The following CYP2C19 variants were observed in gnomAD, a reference collection of about 807,000 sequenced individuals.
CYP2C19 encodes cytochrome P450 2C19.
CYP2C19 carries 59 observed loss-of-function variants against 40.9 expected under a neutral mutation model. The observed-to-expected ratio is 1.44, with a 90% confidence interval of 1.17 to 1.79. CYP2C19 has a LOEUF of 1.79. CYP2C19 is among the 40% of genes most tolerant of loss of function. The probability of loss-of-function intolerance (pLI) is 0.00; values close to 1 mark genes in which losing one functional copy is unlikely to be tolerated. For missense variants in CYP2C19, 754 were observed against 596.9 expected, an observed-to-expected ratio of 1.26 and a Z score of -2.74; for synonymous variants, 253 against 208.7, an observed-to-expected ratio of 1.21 and a Z score of -1.83.
At chr10:94,823,598 A>G (rs1298249681) in intron 6 of CYP2C19, among the ~76,000 whole-genome samples, 1 of 152,196 alleles carries the variant, frequency 6.6e-6, no homozygotes, top group Non-Finnish European at 1.5e-5. Flanking sequence ...ACACAGGGTC[A>G]TGGAATTTCA....
chr10:94,803,635 G>T (rs942069391), intron 5 of CYP2C19, among the ~76,000 whole-genome samples: 6 of 152,214 alleles, frequency 3.9e-5, no homozygotes, highest in Non-Finnish European at 8.8e-5. Context: ...CCAGTGGGCA[G>T]ACTTGAAGCC....
intron 1 of CYP2C19, among the ~76,000 whole-genome samples, chr10:94,764,128 C>T (rs138737109): frequency 0.17 from 26,285 of 151,968 alleles, 2,530 homozygotes; most frequent in South Asian, 0.33. Context: ...AAAGAGTGAG[C>T]AGCAGCAAGA....
chr10:94,778,083 A>G (rs1848434207), intron 3 of CYP2C19, among the ~76,000 whole-genome samples: 1 of 152,208 alleles, frequency 6.6e-6, no homozygotes, highest in Admixed American at 6.5e-5. Context: ...TCAAGTGGCC[A>G]GAGTGTAGCC....
rs1398800070 is a variant in CYP2C19 at position 94,853,756 on chromosome 10, C to G, written c.*842C>G. ...ACAGACAGGGTTTCACCATGTTAGCCAGGATGATCTCAATCTGCTGACCTC... is the reference window on the plus strand; with the variant it reads ...ACAGACAGGGTTTCACCATGTTAGCGAGGATGATCTCAATCTGCTGACCTC... On this transcript the variant is annotated 3_prime_UTR_variant, in exon 9 of 9. Transcript: ENST00000371321. 6.6e-5 allele frequency among the ~76,000 whole-genome samples: 10 copies of G among 152,094 alleles called. No individual in the cohort carries two copies. In the South Asian group the frequency reaches 1.7e-3, roughly 25 times the overall value.
rs540745869 is a variant in CYP2C19, at chr10:94,774,127, C to T, written c.169-931C>T. 3.3e-5 allele frequency: 5 copies of T among 152,330 alleles called. No homozygotes were observed. In the South Asian group the frequency reaches 8.3e-4, roughly 25 times the overall value. 9.4% of individuals were successfully genotyped at this position (152,330 alleles called of 1,614,324 possible). On this transcript the variant is annotated intron_variant, in intron 1 of 8. Transcript: ENST00000371321. Reference sequence around the variant, plus strand: ...AAAAGTTCTCCAAGTCCCCACCCGACACAGAAGCCCAGATGGCTTCACCTC... The same window carrying T: ...AAAAGTTCTCCAAGTCCCCACCCGATACAGAAGCCCAGATGGCTTCACCTC...
At chr10:94,845,871 A>T (rs1849566192) in intron 7 of CYP2C19, among the ~76,000 whole-genome samples, 1 of 152,112 alleles carries the variant, frequency 6.6e-6, no homozygotes, top group Admixed American at 6.6e-5. Flanking sequence ...ATTTTTAAGA[A>T]TAAATAACAT....
chr10:94,784,509 G>A (rs1474887978), intron 5 of CYP2C19, among the ~76,000 whole-genome samples: 2 of 151,994 alleles, frequency 1.3e-5, no homozygotes, highest in East Asian at 3.9e-4. Context: ...ATTCCTTCCA[G>A]CAATGTAGAA....
At chr10:94,765,227 G>A (rs1848223893) in intron 1 of CYP2C19, among the ~76,000 whole-genome samples, 1 of 152,076 alleles carries the variant, frequency 6.6e-6, no homozygotes. Flanking sequence ...CTATAAGTAG[G>A]GATATTAGTT....
chr10:94,793,952 C>T (rs1396371193), intron 5 of CYP2C19, among the ~76,000 whole-genome samples: 1 of 152,074 alleles, frequency 6.6e-6, no homozygotes, highest in Non-Finnish European at 1.5e-5. Context: ...TGCCCTGCCC[C>T]CAAAGGTGTA....
chr10:94,786,142 A>G (rs1197352243), intron 5 of CYP2C19, among the ~76,000 whole-genome samples: 1 of 151,924 alleles, frequency 6.6e-6, no homozygotes, highest in African/African-American at 2.4e-5. Context: ...ACCCACTCAG[A>G]TGTGTCCATG....
intron 6 of CYP2C19, among the ~76,000 whole-genome samples, chr10:94,823,373 G>T (rs1393996998): frequency 1.3e-5 from 2 of 152,154 alleles, no homozygotes; most frequent in Admixed American, 6.6e-5. Context: ...AAGACATGAG[G>T]TGTAGGCTAG....
At chr10:94,829,787 T>C (rs1341475929) in intron 6 of CYP2C19, among the ~76,000 whole-genome samples, 1 of 151,722 alleles carries the variant, frequency 6.6e-6, no homozygotes, top group Non-Finnish European at 1.5e-5. Context: ...TTTGTGGTTT[T>C]ATCTACTTTT....
chr10:94,794,538 G>A (rs1488115052), intron 5 of CYP2C19, among the ~76,000 whole-genome samples: 1 of 152,124 alleles, frequency 6.6e-6, no homozygotes, highest in Admixed American at 6.6e-5. Context: ...CCAAGAGCAT[G>A]GAATATTTTT....
intron 8 of CYP2C19, among the ~76,000 whole-genome samples, chr10:94,850,609 A>C (rs1231339317): frequency 6.6e-6 from 1 of 152,212 alleles, no homozygotes; most frequent in Admixed American, 6.5e-5. Flanking sequence ...TAGATGGAAA[A>C]GCTGTCTGCT....
chr10:94,783,227 G>T (rs1267072342), intron 5 of CYP2C19, among the ~76,000 whole-genome samples: 2 of 152,096 alleles, frequency 1.3e-5, no homozygotes, highest in African/African-American at 4.8e-5. Flanking sequence ...ATGAAAATGG[G>T]CATCATTATT....
At chr10:94,771,795 C>G (rs1250232909) in intron 1 of CYP2C19, among the ~76,000 whole-genome samples, 1 of 152,066 alleles carries the variant, frequency 6.6e-6, no homozygotes, top group Non-Finnish European at 1.5e-5. Context: ...TGCCCAAGAA[C>G]CCAAAACAGT....
intron 6 of CYP2C19, among the ~76,000 whole-genome samples, chr10:94,840,773 G>A (rs1030176275): frequency 2.6e-5 from 4 of 152,230 alleles, no homozygotes; most frequent in African/African-American, 9.6e-5. Context: ...AAAATTGGAA[G>A]TGGAAGCTGG....
At chr10:94,765,371 G>A (rs1848225453) in intron 1 of CYP2C19, among the ~76,000 whole-genome samples, 5 of 152,036 alleles carry the variant, frequency 3.3e-5, no homozygotes, top group Admixed American at 3.3e-4. Flanking sequence ...GGCAGATATA[G>A]GTCGACATTC....
At chr10:94,773,389 A>G (rs1366353910) in intron 1 of CYP2C19, among the ~76,000 whole-genome samples, 2 of 152,060 alleles carry the variant, frequency 1.3e-5, no homozygotes, top group Non-Finnish European at 2.9e-5. Flanking sequence ...TGGTGGGTTC[A>G]TGGTCTTGCT....
Sources: allele counts gnomAD v4.1 joint callset (sites outside exome capture counted in the v4.1 genomes callset), GRCh38; gene constraint gnomAD v4.1.1; transcripts MANE v1.5; gene names NCBI Gene and HGNC (gene_info 2026-07-23, HGNC 2026-07-21).